Variants in LARS1 observed in about 807,000 individuals in gnomAD.
LARS1 encodes the protein leucine--tRNA ligase, cytoplasmic.
A neutral mutation model predicts 162.8 loss-of-function variants in LARS1; 100 were observed. The ratio of observed to expected loss-of-function variants is 0.61; its 90% confidence interval spans 0.52 to 0.73. The LOEUF is 0.73. Among genes scored for constraint, LARS1 ranks in the 30% least tolerant of loss-of-function variants. The pLI, the probability that LARS1 is intolerant of heterozygous loss-of-function variation, is 0.00. For missense variants in LARS1, 1,258 were observed against 1,408.9 expected (o/e 0.89, Z 1.71); for synonymous variants, 457 against 462.8 (o/e 0.99, Z 0.16).
Position 146,144,252 on chromosome 5 carries a change from T to C in LARS1, c.1738+15A>G, listed in dbSNP as rs370031023. 1.2e-4 allele frequency: 198 copies of C among 1,586,086 alleles called. No individual in the cohort carries two copies. Among genetic ancestry groups the C allele is most frequent in the Non-Finnish European group, 1.7e-4 (194 of 1,168,934 alleles). On this transcript the variant is annotated intron_variant, in intron 18 of 31. Coordinates refer to ENST00000394434, the MANE Select transcript of LARS1 (RefSeq NM_020117.11). ...GGCAAAGTTATCCAAACAGAAAAATTTCAAGTTTGTTTACCTAGACCATAA... is the reference window on the plus strand; with the variant it reads ...GGCAAAGTTATCCAAACAGAAAAATCTCAAGTTTGTTTACCTAGACCATAA...
intron 10 of LARS1, among the ~76,000 whole-genome samples, chr5:146,156,546 T>G (rs1286392919): frequency 2.0e-5 from 3 of 151,866 alleles, no homozygotes; most frequent in African/African-American, 7.3e-5. Flanking sequence ...ATACAAAAAA[T>G]TAGCTGGGCG....
intron 22 of LARS1, among the ~76,000 whole-genome samples, chr5:146,135,103 A>G (rs1400672825): frequency 1.3e-5 from 2 of 152,038 alleles, no homozygotes; most frequent in Non-Finnish European, 2.9e-5. Context: ...TCCCGGGTTC[A>G]AGCGATTCTC....
At chr5:146,149,735 A>C (rs1561816185) in intron 14 of LARS1, 36 bp from the exon 15 acceptor site, 1 of 1,452,718 alleles carries the variant, frequency 6.9e-7, no homozygotes, top group East Asian at 2.3e-5. Flanking sequence ...CCACATATAA[A>C]ACAGTTAGAA....
intron 21 of LARS1, chr5:146,138,214 C>T (rs942379159): frequency 4.9e-5 from 9 of 183,902 alleles, no homozygotes; most frequent in Non-Finnish European, 1.2e-4. Context: ...AAGCAAAGAA[C>T]GACCATGACT....
chr5:146,147,731 T>C (rs573605441), intron 15 of LARS1, among the ~76,000 whole-genome samples: 1 of 151,376 alleles, frequency 6.6e-6, no homozygotes, highest in South Asian at 2.1e-4. Context: ...AAAGTGAAAA[T>C]AGAGAATAAG....
At chr5:146,125,361 T>C (rs1751999643) in intron 28 of LARS1, among the ~76,000 whole-genome samples, 1 of 152,018 alleles carries the variant, frequency 6.6e-6, no homozygotes, top group African/African-American at 2.4e-5. Flanking sequence ...TAATCTATTA[T>C]AATATTGAAG....
In LARS1 at chr5:146,126,425, C is replaced by G. The variant is rs1398208635; in HGVS notation, c.2991+10G>C. 5.8e-6 allele frequency: 9 copies of G among 1,552,012 alleles called. No individual in the cohort carries two copies. The highest frequency in any genetic ancestry group is 8.0e-6 in the Non-Finnish European group (9 of 1,124,252). Reference sequence around the variant, plus strand: ...CATGTGGTCACAGCTGCATAAGGTCCACAGCTTACCTTAATCATGGCAACA... The same window carrying G: ...CATGTGGTCACAGCTGCATAAGGTCGACAGCTTACCTTAATCATGGCAACA... On this transcript the variant is annotated intron_variant, in intron 28 of 31. Coordinates refer to ENST00000394434, the MANE Select transcript of LARS1 (RefSeq NM_020117.11).
At chr5:146,147,760 AG>A (rs1753079025) in intron 15 of LARS1, among the ~76,000 whole-genome samples, 1 of 152,178 alleles carries the variant, frequency 6.6e-6, no homozygotes. Context: ...AAGATAATCA[AG>A]AAAAAAGTCA....
intron 19 of LARS1, 35 bp downstream of exon 19, chr5:146,143,377 C>A: frequency 6.3e-7 from 1 of 1,576,276 alleles, no homozygotes; most frequent in Non-Finnish European, 8.6e-7. Flanking sequence ...CTCTTACTGA[C>A]AAATTATGCT....
At chr5:146,147,018 A>C (rs1753041143) in intron 15 of LARS1, among the ~76,000 whole-genome samples, 1 of 151,946 alleles carries the variant, frequency 6.6e-6, no homozygotes, top group African/African-American at 2.4e-5. Flanking sequence ...GGCCACCTAG[A>C]CCTTTTGAGC....
Position 146,125,032 on chromosome 5 carries a change from A to C in LARS1, c.2992-946T>G, listed in dbSNP as rs73315741. Among the ~76,000 whole-genome samples the C allele has an allele frequency of 1.5e-3, 213 of 141,858 alleles. 1 individual carries two copies. The highest frequency in any genetic ancestry group is 3.4e-3 in the African/African-American group (141 of 40,922). The allele number at this position is 141,858 out of a possible 152,430, so 93.1% of individuals were successfully genotyped here. A position where few individuals can be genotyped will look rare whatever the true frequency, so the allele number is the denominator to read the frequency against. ...ACACACACACGCACACACACACTCT[A>C]TATATATATACATATACACATAACT... is the stretch of plus-strand genomic sequence containing the variant. On this transcript the variant is annotated intron_variant, in intron 28 of 31. Coordinates refer to ENST00000394434, the MANE Select transcript of LARS1 (RefSeq NM_020117.11).
At chr5:146,121,788 G>T (rs1311803516) in intron 30 of LARS1, among the ~76,000 whole-genome samples, 1 of 152,104 alleles carries the variant, frequency 6.6e-6, no homozygotes, top group East Asian at 1.9e-4. Flanking sequence ...AGAACACATG[G>T]ACATAGGGAG....
intron 15 of LARS1, among the ~76,000 whole-genome samples, chr5:146,146,935 A>G (rs1436872519): frequency 1.3e-5 from 2 of 151,872 alleles, no homozygotes; most frequent in Admixed American, 6.6e-5. Flanking sequence ...GCTGGTCTCA[A>G]ACTTGACCTC....
intron 6 of LARS1, among the ~76,000 whole-genome samples, chr5:146,162,104 G>C (rs1467824317): frequency 6.6e-6 from 1 of 152,178 alleles, no homozygotes; most frequent in Non-Finnish European, 1.5e-5. Context: ...CCAAACTCCT[G>C]TTAATGTTGA....
At chr5:146,115,046 G>GGAGA (rs375865936) in intron 31 of LARS1, among the ~76,000 whole-genome samples, 1 of 97,634 alleles carries the variant, frequency 1.0e-5, no homozygotes. Flanking sequence ...CTGTCGGGGG[G>GGAGA]AAAAAAAAAA....
intron 5 of LARS1, among the ~76,000 whole-genome samples, chr5:146,166,499 C>T (rs1312411142): frequency 1.3e-5 from 2 of 152,024 alleles, no homozygotes; most frequent in African/African-American, 2.4e-5. Flanking sequence ...AGCTTGAGCC[C>T]CAGAGCTGAA....
chr5:146,122,731 ATT>A (rs1751881332), intron 29 of LARS1, 144 bp from the exon 30 acceptor site: 4 of 440,326 alleles, frequency 9.1e-6, no homozygotes, highest in African/African-American at 2.0e-5. Flanking sequence ...CCATATAAAT[ATT>A]AAATGAAATC....
chr5:146,132,292 G>C (rs781169721), intron 23 of LARS1: 1 of 151,822 alleles, frequency 6.6e-6, no homozygotes, highest in African/African-American at 2.4e-5. Context: ...GTGACAGTGC[G>C]AGACTCTGTC....
At chr5:146,136,294 TACA>T (rs926381642) in intron 21 of LARS1, among the ~76,000 whole-genome samples, 2 of 152,188 alleles carry the variant, frequency 1.3e-5, no homozygotes, top group African/African-American at 4.8e-5. Flanking sequence ...ATCAGGATAG[TACA>T]ACAACTTTCA....
Sources: gnomAD v4.1 joint callset for allele counts (sites outside exome capture counted in the v4.1 genomes callset) on GRCh38, gnomAD v4.1.1 for gene constraint, MANE v1.5 for transcripts, NCBI Gene and HGNC (gene_info 2026-07-23, HGNC 2026-07-21) for gene names.